The following MS4A12 variants were observed in gnomAD, a reference collection of about 807,000 sequenced individuals.
MS4A12 encodes the protein membrane-spanning 4-domains subfamily A member 12.
MS4A12 carries 28 observed loss-of-function variants against 23.7 expected under a neutral mutation model. The observed-to-expected ratio is 1.18, with a 90% CI of 0.88 to 1.62. The LOEUF is 1.62. Among genes scored for constraint, MS4A12 ranks in the 40% most tolerant of loss-of-function variants. The pLI, the probability that MS4A12 is intolerant of heterozygous loss-of-function variation, is 0.00. For synonymous variants in MS4A12, 108 were observed against 110.1 expected (o/e 0.98, Z 0.12); for missense variants, 342 against 327.0 (o/e 1.05, Z -0.35).
chr11:60,502,086 T>G, intron 4 of MS4A12, 47 bp downstream of exon 4: 5 of 1,528,924 alleles, frequency 3.3e-6, no homozygotes, highest in Non-Finnish European at 4.5e-6. Context: ...AAGATTAGCT[T>G]AACATATTGG....
At chr11:60,497,936 T>C (rs2086502347) in intron 2 of MS4A12, 1 of 204,552 alleles carries the variant, frequency 4.9e-6, no homozygotes, top group Non-Finnish European at 9.9e-6. Context: ...GGTTTTTGCA[T>C]AAAGGTGAAT....
intron 5 of MS4A12, 33 bp downstream of exon 5, chr11:60,503,850 C>A: frequency 6.4e-7 from 1 of 1,567,754 alleles, no homozygotes; most frequent in Non-Finnish European, 8.8e-7. Context: ...TGTGCCTGCT[C>A]TATTTTCAGT....
intron 3 of MS4A12, 34 bp from the exon 4 acceptor site, chr11:60,501,949 C>A (rs766039521): frequency 1.3e-6 from 2 of 1,567,586 alleles, no homozygotes; most frequent in Non-Finnish European, 1.8e-6. Context: ...AACCAGTTAA[C>A]CCATTTCACA....
chr11:60,494,854 G>A (rs146970164), intron 1 of MS4A12, among the ~76,000 whole-genome samples: 384 of 152,206 alleles, frequency 2.5e-3, no homozygotes, highest in African/African-American at 8.6e-3. Context: ...TTTGGCCACC[G>A]AAACCAGATC....
intron 2 of MS4A12, chr11:60,497,835 GACAGAAGCACTGTT>G: frequency 2.1e-6 from 1 of 473,568 alleles, no homozygotes; most frequent in Non-Finnish European, 3.7e-6. Context: ...ATATTGACGT[GACAGAAGCACTGTT>G]ACATCTAGCT....
intron 1 of MS4A12, among the ~76,000 whole-genome samples, chr11:60,495,729 C>A (rs750164764): frequency 2.6e-5 from 4 of 152,024 alleles, no homozygotes; most frequent in Admixed American, 1.3e-4. Context: ...CTATACAGAC[C>A]CTACTGTGCC....
At chr11:60,506,962 G>C (rs868239901) in intron 6 of MS4A12, 58 bp from the exon 7 acceptor site, 1 of 1,541,180 alleles carries the variant, frequency 6.5e-7, no homozygotes, top group Non-Finnish European at 9.0e-7. Flanking sequence ...GATGGTACCA[G>C]GGGAAATTGC....
intron 4 of MS4A12, among the ~76,000 whole-genome samples, chr11:60,502,675 G>C (rs1040634872): frequency 1.3e-5 from 2 of 152,186 alleles, no homozygotes; most frequent in South Asian, 2.1e-4. Flanking sequence ...GAGTCAACTA[G>C]AGCAGAGGTG....
chr11:60,497,837 C>A, intron 2 of MS4A12: 1 of 471,136 alleles, frequency 2.1e-6, no homozygotes, highest in Non-Finnish European at 3.8e-6. Context: ...ATTGACGTGA[C>A]AGAAGCACTG....
At chr11:60,497,756 C>A in intron 2 of MS4A12, 162 bp downstream of exon 2, 1 of 827,000 alleles carries the variant, frequency 1.2e-6, no homozygotes, top group Non-Finnish European at 1.8e-6. Context: ...CCCTTGAGTT[C>A]ATTTCATTTT....
intron 5 of MS4A12, 121 bp downstream of exon 5, chr11:60,503,938 C>A (rs2086551333): frequency 1.3e-6 from 1 of 783,928 alleles, no homozygotes; most frequent in Non-Finnish European, 2.0e-6. Context: ...TATTCTAGCC[C>A]CACCCCTAGT....
At chr11:60,493,578 T>A (rs780820106) in intron 1 of MS4A12, among the ~76,000 whole-genome samples, 1 of 152,186 alleles carries the variant, frequency 6.6e-6, no homozygotes, top group Non-Finnish European at 1.5e-5. Context: ...TTAAGGTACT[T>A]CTTTCTGACA....
chr11:60,505,448 C>T (rs948560404), intron 5 of MS4A12, among the ~76,000 whole-genome samples: 22 of 152,110 alleles, frequency 1.4e-4, no homozygotes, highest in African/African-American at 4.6e-4. Context: ...GAAAGCTTCT[C>T]GGTAAATAAG....
chr11:60,506,894 A>G, intron 6 of MS4A12, 56 bp downstream of exon 6: 1 of 1,556,648 alleles, frequency 6.4e-7, no homozygotes. Context: ...AGAAATACAG[A>G]CTTGTGTCTG....
At chr11:60,503,622 A>G (rs1353790439) in intron 4 of MS4A12, 79 bp from the exon 5 acceptor site, 2 of 1,169,118 alleles carry the variant, frequency 1.7e-6, no homozygotes, top group Non-Finnish European at 2.4e-6. Context: ...ATTAAGAACC[A>G]TGAAATTTGA....
chr11:60,495,502 C>T (rs57078513), intron 1 of MS4A12, among the ~76,000 whole-genome samples: 80 of 151,964 alleles, frequency 5.3e-4, no homozygotes, highest in African/African-American at 1.9e-3. Flanking sequence ...ATCTCATGCA[C>T]TTAACATAGA....
chr11:60,500,955 A>G, intron 2 of MS4A12, 90 bp from the exon 3 acceptor site: 9 of 1,427,658 alleles, frequency 6.3e-6, no homozygotes, highest in Non-Finnish European at 8.5e-6. Flanking sequence ...AGCAAAATTG[A>G]CAATAAATAA....
intron 2 of MS4A12, 153 bp downstream of exon 2, chr11:60,497,747 C>T (rs999159723): frequency 2.3e-6 from 2 of 869,090 alleles, no homozygotes. Context: ...ATAGACTTTC[C>T]CTTGAGTTCA....
At chr11:60,503,884 A>C (rs1590863182) in intron 5 of MS4A12, 67 bp downstream of exon 5, 1 of 1,353,136 alleles carries the variant, frequency 7.4e-7, no homozygotes, top group East Asian at 2.3e-5. Flanking sequence ...TCTATGTTTT[A>C]TTTCTTAATA....
Sources: gnomAD v4.1 joint callset for allele counts (sites outside exome capture counted in the v4.1 genomes callset) on GRCh38, gnomAD v4.1.1 for gene constraint, MANE v1.5 for transcripts, NCBI Gene and HGNC (gene_info 2026-07-23, HGNC 2026-07-21) for gene names.